Variants in TM2D1 observed in about 807,000 individuals in gnomAD.
The protein encoded by TM2D1 is TM2 domain-containing protein 1.
In TM2D1, 15 loss-of-function variants were observed where a neutral mutation model predicts 28.4. That is an observed-to-expected ratio of 0.53 (90% CI 0.35 to 0.81). TM2D1 has a LOEUF of 0.81. Ranked by LOEUF, TM2D1 falls within the 40% of genes least tolerant of loss-of-function variation. TM2D1 has a pLI of 0.01. For missense variants in TM2D1, 236 were observed against 254.9 expected (o/e 0.93, Z 0.50); for synonymous variants, 93 against 96.2 (o/e 0.97, Z 0.20).
intron 3 of TM2D1, among the ~76,000 whole-genome samples, chr1:61,701,310 C>CAAAAAAAAAAAAAAAAAAAAAAAAA (rs10587870): frequency 2.4e-5 from 2 of 84,042 alleles, no homozygotes; most frequent in Non-Finnish European, 2.2e-5. Context: ...TAAATGTTAA[C>CAAAAAAAAAAAAAAAAAAAAAAAAA]AAAAAAAAAA....
At position 61,725,020 on chromosome 1, in the gene TM2D1, C is replaced by G. The variant is rs1272840545; in HGVS notation, c.101G>C (p.Gly34Ala). 1.2e-6 allele frequency: 2 copies of G among 1,612,686 alleles called. No homozygotes were observed. Among genetic ancestry groups the G allele is most frequent in the Non-Finnish European group, 1.7e-6 (2 of 1,178,922 alleles). Residue 34 changes from glycine (G) to alanine (A), a missense_variant, in exon 1 of 7, where the codon GGG becomes GCG. Physicochemically the swap from Gly to Ala is moderately conservative, Grantham distance 60 (BLOSUM62 0). This residue lies in a region of TM2D1 where 167 missense variants were observed against 162.7 expected (regional missense o/e 1.03). Transcript: ENST00000606498. ...GCCCCCGGCGGAGGTGGCAACAGCC[C>G]CCCAGGGTCCTGTAGTGACTGAGAC... is the stretch of plus-strand genomic sequence containing the variant. ...WFVSVTTGPW[G>A]AVATSAGGEE... is the part of the protein sequence containing the mutation.
At chr1:61,699,853 T>C (rs1644389519) in intron 4 of TM2D1, 3 of 209,772 alleles carry the variant, frequency 1.4e-5, no homozygotes, top group African/African-American at 6.9e-5. Context: ...AACAAGTATA[T>C]ATAGTACTTC....
At chr1:61,696,641 A>C (rs1187073042) in intron 4 of TM2D1, among the ~76,000 whole-genome samples, 17 of 152,170 alleles carry the variant, frequency 1.1e-4, no homozygotes, top group African/African-American at 4.1e-4. Context: ...AAGAATAGGT[A>C]ATCACATCAG....
chr1:61,720,109 T>C (rs1644551671), intron 2 of TM2D1, among the ~76,000 whole-genome samples: 1 of 152,140 alleles, frequency 6.6e-6, no homozygotes, highest in African/African-American at 2.4e-5. Context: ...CTTAAGAAAA[T>C]AAAGAAGACT....
chr1:61,691,932 A>AAAAATATATATATATATATATAT, intron 5 of TM2D1, among the ~76,000 whole-genome samples: 47 of 76,330 alleles, frequency 6.2e-4, no homozygotes, highest in East Asian at 1.4e-3. Context: ...AAAAAAAAAA[A>AAAAATATATATATATATATATAT]ATATATATAT....
chr1:61,697,141 T>C (rs1276905594), intron 4 of TM2D1, among the ~76,000 whole-genome samples: 1 of 152,172 alleles, frequency 6.6e-6, no homozygotes, highest in African/African-American at 2.4e-5. Context: ...GGAAACTTCA[T>C]TACTAAAATC....
In TM2D1 at chr1:61,709,747, C is replaced by T. The variant is rs573765129; in HGVS notation, c.239-310G>A. 3.3e-5 allele frequency among the ~76,000 whole-genome samples: 5 copies of T among 152,224 alleles called. No individual in the cohort carries two copies. In the East Asian group the frequency reaches 9.6e-4, roughly 29 times the overall value. On this transcript the variant is annotated intron_variant, in intron 2 of 6. Coordinates refer to ENST00000606498, the MANE Select transcript of TM2D1 (RefSeq NM_032027.3). ...GGGAAGAATTGCACAACATTACTGC[C>T]CTTTACTTCATCTCCAGAATTAAGA...
chr1:61,690,456 CAAAAAAAAA>C (rs762550068), intron 5 of TM2D1, among the ~76,000 whole-genome samples: 5 of 60,052 alleles, frequency 8.3e-5, no homozygotes, highest in Non-Finnish European at 1.2e-4. Context: ...GACTCAGTCT[CAAAAAAAAA>C]AAAAAAAAAA....
chr1:61,717,215 AC>A (rs768015759), intron 2 of TM2D1, among the ~76,000 whole-genome samples: 1 of 146,438 alleles, frequency 6.8e-6, no homozygotes, highest in Non-Finnish European at 1.5e-5. Context: ...AAAAAAAAAA[AC>A]AATTAGCCGG....
chr1:61,696,188 A>T (rs956276292), intron 4 of TM2D1: 5 of 152,168 alleles, frequency 3.3e-5, no homozygotes, highest in African/African-American at 1.2e-4. Flanking sequence ...CTCTTCACAA[A>T]GCATGTTAGT....
At chr1:61,722,899 C>G (rs1171950923) in intron 2 of TM2D1, among the ~76,000 whole-genome samples, 2 of 152,138 alleles carry the variant, frequency 1.3e-5, no homozygotes, top group Non-Finnish European at 2.9e-5. Context: ...TACTGGGAAG[C>G]TGGCAGCCAG....
At chr1:61,684,578 G>GT (rs1475256864) in intron 5 of TM2D1, among the ~76,000 whole-genome samples, 5 of 152,046 alleles carry the variant, frequency 3.3e-5, no homozygotes, top group Admixed American at 2.6e-4. Context: ...ACATTCTACC[G>GT]TATCTGTTCC....
At chr1:61,723,252 C>T (rs1344334223) in intron 2 of TM2D1, among the ~76,000 whole-genome samples, 1 of 152,044 alleles carries the variant, frequency 6.6e-6, no homozygotes, top group Non-Finnish European at 1.5e-5. Flanking sequence ...GTGACATAAA[C>T]GATAGTGATG....
At chr1:61,700,356 T>C in intron 4 of TM2D1, 1 of 1,322,146 alleles carries the variant, frequency 7.6e-7, no homozygotes, top group East Asian at 3.0e-5. Context: ...AAGTACTGTT[T>C]AAACAAAAGC....
Position 61,711,329 on chromosome 1 carries a change from C to CA in TM2D1, c.239-1893dup, listed in dbSNP as rs1203013202. On this transcript the variant is annotated intron_variant, in intron 2 of 6. Transcript: ENST00000606498. The stretch of plus-strand genomic sequence containing the variant: ...TGGGTGAAAGAGTGAAACTCCACCT[C>CA]AAAAAAAAAAAAAAGAAAAAAAAAT... 9.0e-3 allele frequency among the ~76,000 whole-genome samples: 777 copies of CA among 85,934 alleles called. 7 individuals carry two copies. Among genetic ancestry groups the CA allele is most frequent in the Middle Eastern group, 0.026 (3 of 114 alleles). 56.4% of individuals were successfully genotyped at this position (85,934 alleles called of 152,430 possible).
rs1457586868 is a variant in TM2D1 at position 61,701,920 on chromosome 1, G to A, written c.348-895C>T. The stretch of plus-strand genomic sequence containing the variant: ...CAAGAATGACTCCAAGACGGGCGCG[G>A]TGGCACACGCCTGTAATCCTAGCAC... On this transcript the variant is annotated intron_variant, in intron 3 of 6. Coordinates refer to ENST00000606498, the MANE Select transcript of TM2D1 (RefSeq NM_032027.3). Among the ~76,000 whole-genome samples, 7 of 152,168 alleles carry A rather than the reference G, an allele frequency of 4.6e-5. No individual in the cohort carries two copies. The East Asian group carries it at 1.4e-3, about 29-fold the overall frequency.
chr1:61,723,182 A>G (rs973551759), intron 2 of TM2D1, among the ~76,000 whole-genome samples: 1 of 152,272 alleles, frequency 6.6e-6, no homozygotes, highest in Admixed American at 6.5e-5. Flanking sequence ...AATCAAATAA[A>G]TATAATCAAA....
chr1:61,717,261 G>T (rs1039630403), intron 2 of TM2D1, among the ~76,000 whole-genome samples: 1 of 151,890 alleles, frequency 6.6e-6, no homozygotes, highest in Non-Finnish European at 1.5e-5. Context: ...CCAGCTACTT[G>T]GGAGGCTGAG....
Position 61,704,497 on chromosome 1 carries a change from T to C in TM2D1, c.348-3472A>G, listed in dbSNP as rs562130489. ...CCCAGGCTGGAGCGCAATGGCACAA[T>C]GTCGGCTTACTGCAACCTCCACCTC... On this transcript the variant is annotated intron_variant, in intron 3 of 6. Transcript: ENST00000606498. Among the ~76,000 whole-genome samples, 414 of 152,196 alleles carry C rather than the reference T, an allele frequency of 2.7e-3. 3 individuals carry two copies. Among genetic ancestry groups the C allele is most frequent in the Non-Finnish European group, 5.1e-3 (347 of 68,002 alleles).
Sources: allele counts gnomAD v4.1 joint callset (sites outside exome capture counted in the v4.1 genomes callset), GRCh38; gene constraint gnomAD v4.1.1; regional missense constraint gnomAD v4.1.1; transcripts MANE v1.5; gene names NCBI Gene and HGNC (gene_info 2026-07-23, HGNC 2026-07-21).